ELP1: variants seen among roughly 807,000 people sequenced by gnomAD.
ELP1 encodes the protein elongator acetyltransferase complex subunit 1.
ELP1 carries 131 observed loss-of-function variants against 183.2 expected under a neutral mutation model. That is an observed-to-expected ratio of 0.72 (90% confidence interval 0.62 to 0.83). The LOEUF is 0.83. Among genes scored for constraint, ELP1 ranks in the 40% least tolerant of loss-of-function variants. The pLI is 0.00. For synonymous variants in ELP1, 555 were observed against 569.0 expected (o/e 0.98, Z 0.35); for missense variants, 1,550 against 1,594.9 (o/e 0.97, Z 0.48).
chr9:108,894,609 A>G (rs1441264354), intron 25 of ELP1, among the ~76,000 whole-genome samples: 1 of 152,260 alleles, frequency 6.6e-6, no homozygotes, highest in African/African-American at 2.4e-5. Flanking sequence ...TAAGTCTCAC[A>G]GTATCATTTA....
At chr9:108,873,542 G>A (rs1396393590) in intron 36 of ELP1, among the ~76,000 whole-genome samples, 1 of 152,152 alleles carries the variant, frequency 6.6e-6, no homozygotes, top group African/African-American at 2.4e-5. Context: ...AAACAAGAAA[G>A]TGCTCTTTGA....
At chr9:108,882,292 G>T in intron 29 of ELP1, 105 bp from the exon 30 acceptor site, 1 of 879,366 alleles carries the variant, frequency 1.1e-6, no homozygotes, top group East Asian at 2.5e-5. Context: ...TCCCTGGCCA[G>T]GGGAGAACTC....
At chr9:108,930,445 T>C (rs1829963118) in intron 2 of ELP1, among the ~76,000 whole-genome samples, 1 of 152,132 alleles carries the variant, frequency 6.6e-6, no homozygotes, top group African/African-American at 2.4e-5. Context: ...AAACCACTCT[T>C]GGCCGGGCGC....
At chr9:108,899,741 C>G (rs970681193) in intron 20 of ELP1, 81 bp downstream of exon 20, 6 of 1,143,062 alleles carry the variant, frequency 5.2e-6, no homozygotes, top group Non-Finnish European at 7.9e-6. Context: ...ATTTTAAGTT[C>G]TCGAAATTGT....
intron 35 of ELP1, among the ~76,000 whole-genome samples, chr9:108,877,038 C>A (rs543941261): frequency 2.0e-5 from 3 of 152,250 alleles, no homozygotes; most frequent in African/African-American, 2.4e-5. Context: ...CTGGCCCGAC[C>A]GGCTGGCTTT....
chr9:108,911,121 G>A lies in ELP1; in HGVS notation c.1249C>T (p.Gln417Ter), dbSNP rs1301344134. ...TVVPPPMCTY[Q>*]LLFPHPVNQV... ...TTCACAGGGTGTGGGAACAGCAGTT[G>A]GTAGGTGCACATGGGAGGCGGAACC... Residue 417 changes from glutamine to a stop codon, truncating the protein, a stop_gained, in exon 12 of 37, where the codon CAA (glutamine) becomes TAA (stop). Coordinates refer to ENST00000374647, the MANE Select transcript of ELP1 (RefSeq NM_003640.5). LOFTEE classifies it high-confidence loss of function. The A allele has an allele frequency of 1.9e-6, 3 of 1,614,076 alleles. No homozygotes were observed. The South Asian group carries it at 3.3e-5, about 18-fold the overall frequency.
At chr9:108,918,467 T>G (rs898015081) in intron 8 of ELP1, among the ~76,000 whole-genome samples, 2 of 152,192 alleles carry the variant, frequency 1.3e-5, no homozygotes, top group Non-Finnish European at 2.9e-5. Flanking sequence ...CCTTGCAAAC[T>G]GGGCCTTCCC....
chr9:108,878,752 T>A lies in ELP1; in HGVS notation c.3573-2A>T. 1 of 1,613,930 alleles carries A rather than the reference T, an allele frequency of 6.2e-7. No individual in the cohort carries two copies. Among genetic ancestry groups the A allele is most frequent in the Non-Finnish European group, 8.5e-7 (1 of 1,179,998 alleles). On this transcript the variant is annotated splice_acceptor_variant, in intron 33 of 36. Transcript: ENST00000374647. LOFTEE classifies it high-confidence loss of function. ...TTTCGGCGATTCTTGGATGATCTCC[T>A]GTTAGAAATTACACAGATATTTTTA...
At chr9:108,891,659 CA>C (rs1828340941) in intron 27 of ELP1, among the ~76,000 whole-genome samples, 1 of 152,062 alleles carries the variant, frequency 6.6e-6, no homozygotes, top group Non-Finnish European at 1.5e-5. Flanking sequence ...TACAGCAAGG[CA>C]AAAAATAAAA....
At chr9:108,914,271 C>T (rs1047726542) in intron 10 of ELP1, among the ~76,000 whole-genome samples, 4 of 151,282 alleles carry the variant, frequency 2.6e-5, no homozygotes, top group Non-Finnish European at 4.4e-5. Context: ...TGGTGGCGGG[C>T]GCCTGTAGAC....
chr9:108,930,415 T>C (rs951938779), intron 2 of ELP1, among the ~76,000 whole-genome samples: 1 of 152,166 alleles, frequency 6.6e-6, no homozygotes, highest in African/African-American at 2.4e-5. Flanking sequence ...TGGGCAACTT[T>C]CGTGTTCATT....
chr9:108,909,336 T>A (rs375269283), intron 12 of ELP1, among the ~76,000 whole-genome samples: 2 of 152,024 alleles, frequency 1.3e-5, no homozygotes, highest in African/African-American at 4.8e-5. Flanking sequence ...ACAAGCCAAG[T>A]ACTAGAAAAA....
chr9:108,870,777 A>C (rs1022046255), intron 36 of ELP1, among the ~76,000 whole-genome samples: 2 of 152,252 alleles, frequency 1.3e-5, no homozygotes, highest in South Asian at 4.1e-4. Flanking sequence ...GCAGTCTTGA[A>C]TAATTGGAAC....
intron 13 of ELP1, 86 bp from the exon 14 acceptor site, chr9:108,906,571 T>A: frequency 1.9e-6 from 2 of 1,072,208 alleles, no homozygotes; most frequent in Non-Finnish European, 1.4e-6. Context: ...GACTGAAGCA[T>A]CTTGTATACA....
At chr9:108,910,658 C>A (rs1829178818) in intron 12 of ELP1, among the ~76,000 whole-genome samples, 1 of 151,938 alleles carries the variant, frequency 6.6e-6, no homozygotes, top group East Asian at 1.9e-4. Context: ...TGACACAGCT[C>A]CTAGGAGGGA....
At chr9:108,883,618 T>C (rs1828013527) in intron 29 of ELP1, among the ~76,000 whole-genome samples, 1 of 151,316 alleles carries the variant, frequency 6.6e-6, no homozygotes, top group Non-Finnish European at 1.5e-5. Context: ...TAAACAATCA[T>C]TGATCACTTA....
intron 11 of ELP1, 123 bp downstream of exon 11, chr9:108,912,141 A>T: frequency 1.3e-6 from 1 of 788,680 alleles, no homozygotes; most frequent in Non-Finnish European, 2.2e-6. Context: ...CAATAAAAAA[A>T]CAAGTAACCC....
intron 10 of ELP1, among the ~76,000 whole-genome samples, chr9:108,914,872 G>T (rs567180445): frequency 3.3e-5 from 5 of 152,218 alleles, no homozygotes; most frequent in Admixed American, 2.0e-4. Flanking sequence ...TGATCCGCCC[G>T]CCTCGGCCTC....
In ELP1 at chr9:108,900,240, T is replaced by C; in HGVS notation, c.2130+20A>G. The C allele has an allele frequency of 4.7e-6, 7 of 1,502,768 alleles. No individual in the cohort carries two copies. Among genetic ancestry groups the C allele is most frequent in the Non-Finnish European group, 6.5e-6 (7 of 1,078,250 alleles). 93.1% of individuals were successfully genotyped at this position (1,502,768 alleles called of 1,614,324 possible). ...TGAATGACAATCAGACTATCTATCT[T>C]GTCTGAAAAACCAGCTTACCTGTAA... is the stretch of plus-strand genomic sequence containing the variant. On this transcript the variant is annotated intron_variant, in intron 19 of 36. Transcript: ENST00000374647.
Sources: allele counts gnomAD v4.1 joint callset (sites outside exome capture counted in the v4.1 genomes callset), GRCh38; gene constraint gnomAD v4.1.1; transcripts MANE v1.5; gene names NCBI Gene and HGNC (gene_info 2026-07-23, HGNC 2026-07-21).